Variants in MTAP observed in about 807,000 individuals in gnomAD.
MTAP encodes S-methyl-5'-thioadenosine phosphorylase.
A neutral mutation model predicts 33.6 loss-of-function variants in MTAP; 33 were observed. The observed-to-expected ratio is 0.98, with a 90% confidence interval of 0.74 to 1.31. The LOEUF (loss-of-function observed/expected upper bound fraction) is 1.31. MTAP is among the 40% of genes most tolerant of loss of function. The probability of loss-of-function intolerance (pLI) is 0.00; values close to 1 mark genes in which losing one functional copy is unlikely to be tolerated. For missense variants in MTAP, 367 were observed against 360.0 expected, an observed-to-expected ratio of 1.02 and a Z score of -0.16; for synonymous variants, 148 against 125.7, an observed-to-expected ratio of 1.18 and a Z score of -1.19.
intron 4 of MTAP, among the ~76,000 whole-genome samples, chr9:21,827,739 A>T (rs1219937561): frequency 6.6e-6 from 1 of 152,232 alleles, no homozygotes; most frequent in Non-Finnish European, 1.5e-5. Context: ...TGAGGGCTTG[A>T]ACATAGTCAT....
chr9:21,896,227 C>A (rs1313185291), intron 1 of MTAP, among the ~76,000 whole-genome samples: 1 of 152,120 alleles, frequency 6.6e-6, no homozygotes, highest in Non-Finnish European at 1.5e-5. Flanking sequence ...AAAAAAGACA[C>A]AACATACCAG....
At chr9:21,840,769 A>G (rs996895577) in intron 5 of MTAP, among the ~76,000 whole-genome samples, 12 of 152,178 alleles carry the variant, frequency 7.9e-5, no homozygotes, top group Admixed American at 5.2e-4. Context: ...CAAGGGACTA[A>G]TGGGAGCCGC....
At chr9:21,833,302 C>A (rs1438301808) in intron 4 of MTAP, among the ~76,000 whole-genome samples, 2 of 152,140 alleles carry the variant, frequency 1.3e-5, no homozygotes, top group South Asian at 4.1e-4. Flanking sequence ...GCCACCTCAG[C>A]CCCCCAAGTA....
At chr9:21,853,056 G>A (rs1825555360) in intron 5 of MTAP, among the ~76,000 whole-genome samples, 1 of 152,156 alleles carries the variant, frequency 6.6e-6, no homozygotes. Flanking sequence ...AGCTGTTCTT[G>A]AAGGAATGCA....
chr9:21,864,184 A>G lies in MTAP; in HGVS notation c.*2170A>G, dbSNP rs1825810743. ...TTTTCTTGATTAAATAGCCTTCTCT[A>G]GCAACATCATTTTCAGACTAACTAA... is the stretch of plus-strand genomic sequence containing the variant. On this transcript the variant is annotated 3_prime_UTR_variant, in exon 8 of 8. Coordinates refer to ENST00000644715, the MANE Select transcript of MTAP (RefSeq NM_002451.4). 1.0e-6 allele frequency: 1 copy of G among 985,296 alleles called. No homozygotes were observed. Among genetic ancestry groups the G allele is most frequent in the Non-Finnish European group, 1.2e-6 (1 of 829,944 alleles). The allele number at this position is 985,296 out of a possible 1,614,324, so 61.0% of individuals were successfully genotyped here. A position where few individuals can be genotyped will look rare whatever the true frequency, so the allele number is the denominator to read the frequency against.
In MTAP at chr9:21,818,171, G is replaced by T; in HGVS notation, c.316G>T (p.Asp106Tyr). The change falls in exon 4 of 8, where the codon GAT (aspartate) becomes TAT (tyrosine). Residue 106 changes from aspartate to tyrosine, a missense_variant. By Grantham distance (160) the Asp-to-Tyr change is radical (BLOSUM62 -3). Transcript: ENST00000644715. ...GSLREEIQPG[D>Y]IVIIDQFIDR... ...CTTGAGGGAGGAGATTCAGCCCGGCGATATTGTCATTATTGATCAGTTCAT... is the reference window on the plus strand; with the variant it reads ...CTTGAGGGAGGAGATTCAGCCCGGCTATATTGTCATTATTGATCAGTTCAT... The T allele has an allele frequency of 6.2e-7, 1 of 1,613,908 alleles. No individual in the cohort carries two copies. The highest frequency in any genetic ancestry group is 8.5e-7 in the Non-Finnish European group (1 of 1,179,966).
At chr9:21,842,725 A>G (rs946454177) in intron 5 of MTAP, among the ~76,000 whole-genome samples, 5 of 152,208 alleles carry the variant, frequency 3.3e-5, no homozygotes, top group Middle Eastern at 3.2e-3. Flanking sequence ...ATTTGCCACT[A>G]TTGAGCCAAC....
In MTAP at chr9:21,916,070, G is replaced by A. The variant is rs1818683061; in HGVS notation, c.148-14938G>A. 5.4e-5 allele frequency among the ~76,000 whole-genome samples: 7 copies of A among 130,238 alleles called. No individual in the cohort carries two copies. The South Asian group carries it at 1.3e-3, about 25-fold the overall frequency. 85.4% of individuals were successfully genotyped at this position (130,238 alleles called of 152,430 possible). On this transcript the variant is annotated intron_variant, in intron 1 of 1. Transcript: ENST00000577563. ...GGAGAGAGAGGGAGGGAGGGAGGGA[G>A]GGAGGAAGGAAAGGAAGGAAGGAAG...
chr9:21,848,307 A>T (rs1825430098), intron 5 of MTAP, among the ~76,000 whole-genome samples: 2 of 152,120 alleles, frequency 1.3e-5, no homozygotes, highest in Non-Finnish European at 2.9e-5. Context: ...CTCAAAAAGA[A>T]CCGCTTGAGT....
chr9:21,882,421 T>G (rs906188789), intron 1 of MTAP, among the ~76,000 whole-genome samples: 3 of 151,964 alleles, frequency 2.0e-5, no homozygotes, highest in African/African-American at 7.2e-5. Flanking sequence ...TAGAAAAACA[T>G]CCTGTGTTTA....
At chr9:21,819,666 T>C (rs963255456) in intron 4 of MTAP, among the ~76,000 whole-genome samples, 1 of 152,236 alleles carries the variant, frequency 6.6e-6, no homozygotes, top group South Asian at 2.1e-4. Context: ...AGTAATGGGA[T>C]GGCTGGGTCA....
At chr9:21,909,264 A>G (rs1219034427) in intron 1 of MTAP, among the ~76,000 whole-genome samples, 1 of 152,038 alleles carries the variant, frequency 6.6e-6, no homozygotes, top group Non-Finnish European at 1.5e-5. Flanking sequence ...TGGGTTGACA[A>G]TTCTTTTCTT....
In MTAP at chr9:21,862,268, A is replaced by C; in HGVS notation, c.*254A>C. The C allele has an allele frequency of 1.1e-6, 1 of 884,340 alleles. No individual in the cohort carries two copies. 54.8% of individuals were successfully genotyped at this position (884,340 alleles called of 1,614,324 possible). ...AAATATTACATTTTAAGGGGGAAAA[A>C]AAAACCCACCATTCTCTTCTCCCCC... On this transcript the variant is annotated 3_prime_UTR_variant, in exon 8 of 8. Coordinates refer to ENST00000644715, the MANE Select transcript of MTAP (RefSeq NM_002451.4).
intron 1 of MTAP, among the ~76,000 whole-genome samples, chr9:21,808,369 G>C (rs1482834317): frequency 2.0e-5 from 3 of 151,798 alleles, no homozygotes; most frequent in African/African-American, 4.8e-5. Flanking sequence ...TAGACTGCTT[G>C]AGCTCAGGCG....
At chr9:21,883,322 C>T (rs1563858697) in intron 1 of MTAP, among the ~76,000 whole-genome samples, 4 of 151,882 alleles carry the variant, frequency 2.6e-5, no homozygotes, top group Admixed American at 2.0e-4. Flanking sequence ...TTTAAAACAC[C>T]ACAATGAGAT....
intron 1 of MTAP, among the ~76,000 whole-genome samples, chr9:21,804,367 T>C (rs1351186635): frequency 6.6e-6 from 1 of 152,250 alleles, no homozygotes; most frequent in Non-Finnish European, 1.5e-5. Context: ...TACTTTAATC[T>C]GGTTAGCATT....
chr9:21,852,446 G>T (rs947759877), intron 5 of MTAP, among the ~76,000 whole-genome samples: 8 of 150,250 alleles, frequency 5.3e-5, no homozygotes, highest in Non-Finnish European at 1.2e-4. Flanking sequence ...TGAGGCAGAG[G>T]TTGCAGTGAG....
At chr9:21,842,536 C>T (rs1398271193) in intron 5 of MTAP, among the ~76,000 whole-genome samples, 1 of 152,184 alleles carries the variant, frequency 6.6e-6, no homozygotes, top group Non-Finnish European at 1.5e-5. Flanking sequence ...GAAAACCTAT[C>T]AGATTAATAG....
chr9:21,929,667 G>A (rs2518713), intron 1 of MTAP: 188,123 of 253,646 alleles, frequency 0.74, 72,595 homozygotes, highest in African/African-American at 0.95. Flanking sequence ...TAGACATAGA[G>A]TTACGTATTT....
Sources: allele counts gnomAD v4.1 joint callset (sites outside exome capture counted in the v4.1 genomes callset), GRCh38; gene constraint gnomAD v4.1.1; transcripts MANE v1.5; gene names NCBI Gene and HGNC (gene_info 2026-07-23, HGNC 2026-07-21).